PALM2AKAP2: variants seen among roughly 807,000 people sequenced by gnomAD.
PALM2AKAP2 encodes PALM2 and AKAP2 fusion.
Under a neutral mutation model 71.5 loss-of-function variants are expected in PALM2AKAP2, and 37 were observed. The ratio of observed to expected loss-of-function variants is 0.52; its 90% CI spans 0.40 to 0.68. PALM2AKAP2 has a LOEUF of 0.68. PALM2AKAP2 is among the 30% of genes least tolerant of loss of function. The pLI is 0.00. For synonymous variants in PALM2AKAP2, 468 were observed against 478.8 expected (o/e 0.98, Z 0.29); for missense variants, 1,224 against 1,191.8 (o/e 1.03, Z -0.40).
chr9:109,716,994 CA>C (rs1828334446), intron 1 of PALM2AKAP2, among the ~76,000 whole-genome samples: 1 of 152,086 alleles, frequency 6.6e-6, no homozygotes, highest in South Asian at 2.1e-4. Flanking sequence ...TTGAAAGTTA[CA>C]GGGCAAATTT....
chr9:109,769,257 C>T (rs7023411), intron 1 of PALM2AKAP2, among the ~76,000 whole-genome samples: 127,453 of 152,172 alleles, frequency 0.84, 53,968 homozygotes, highest in African/African-American at 0.96. Flanking sequence ...ATAAACGTTT[C>T]CTCTGTGGGC....
intron 1 of PALM2AKAP2, among the ~76,000 whole-genome samples, chr9:109,835,873 G>A (rs1828460249): frequency 2.0e-5 from 3 of 152,226 alleles, no homozygotes; most frequent in South Asian, 4.1e-4. Flanking sequence ...GGTAAACAAA[G>A]TGGCCGGGAA....
intron 6 of PALM2AKAP2, among the ~76,000 whole-genome samples, chr9:109,976,962 C>G (rs746622289): frequency 6.6e-6 from 1 of 151,978 alleles, no homozygotes; most frequent in Non-Finnish European, 1.5e-5. Flanking sequence ...GAGCTTCAGG[C>G]TTAGCAAAAG....
At chr9:109,964,076 C>A (rs1191196065) in intron 6 of PALM2AKAP2, among the ~76,000 whole-genome samples, 1 of 152,160 alleles carries the variant, frequency 6.6e-6, no homozygotes, top group Non-Finnish European at 1.5e-5. Context: ...AGTATATTTG[C>A]CAACTTAGTA....
intron 1 of PALM2AKAP2, among the ~76,000 whole-genome samples, chr9:109,836,528 A>G (rs898458660): frequency 6.6e-6 from 1 of 152,262 alleles, no homozygotes; most frequent in Non-Finnish European, 1.5e-5. Flanking sequence ...AGCTGGACAG[A>G]GAATGACTTT....
chr9:109,866,890 G>A (rs1829461521), intron 1 of PALM2AKAP2: 1 of 386,924 alleles, frequency 2.6e-6, no homozygotes, highest in African/African-American at 2.1e-5. Context: ...AACCTCAGCT[G>A]CCCCACCCAC....
At chr9:110,025,349 T>C (rs1588064970) in intron 7 of PALM2AKAP2, 2 of 1,155,286 alleles carry the variant, frequency 1.7e-6, no homozygotes, top group Admixed American at 3.4e-5. Context: ...TTTCCCTTTG[T>C]GTTCGTCATT....
At chr9:109,891,540 T>A (rs1170230301) in intron 3 of PALM2AKAP2, among the ~76,000 whole-genome samples, 1 of 151,910 alleles carries the variant, frequency 6.6e-6, no homozygotes, top group African/African-American at 2.4e-5. Context: ...CAGGCTGGAG[T>A]GCATTGGCAG....
chr9:109,696,461 G>C (rs1474704918), intron 1 of PALM2AKAP2, among the ~76,000 whole-genome samples: 3 of 152,174 alleles, frequency 2.0e-5, no homozygotes, highest in Admixed American at 6.5e-5. Context: ...TTCAGCAAGG[G>C]TGCGAGGAGA....
At chr9:109,929,962 C>T (rs1009108387) in intron 5 of PALM2AKAP2, among the ~76,000 whole-genome samples, 1 of 151,988 alleles carries the variant, frequency 6.6e-6, no homozygotes, top group African/African-American at 2.4e-5. Flanking sequence ...CACTCACAGC[C>T]CCTGACTCAA....
chr9:109,959,488 CA>C (rs987485152), intron 6 of PALM2AKAP2, among the ~76,000 whole-genome samples: 5 of 151,606 alleles, frequency 3.3e-5, no homozygotes, highest in African/African-American at 9.7e-5. Flanking sequence ...ACTAAAAATA[CA>C]AAAAAACTAG....
At chr9:110,166,358 G>A (rs1339602285) in intron 3 of PALM2AKAP2, among the ~76,000 whole-genome samples, 1 of 152,170 alleles carries the variant, frequency 6.6e-6, no homozygotes, top group East Asian at 1.9e-4. Context: ...GAAAGCCTGT[G>A]AAGTGGGGTA....
chr9:109,805,746 G>A lies in PALM2AKAP2; in HGVS notation c.45+25213G>A, dbSNP rs116454593. The stretch of plus-strand genomic sequence containing the variant: ...TATATAGGCAGAAGAGGTAATTTAC[G>A]CATTTGGTAAAGTAGACCGGGTGAC... On this transcript the variant is annotated intron_variant, in intron 1 of 9. Transcript: ENST00000302798. Among the ~76,000 whole-genome samples, 805 of 152,278 alleles carry A rather than the reference G, an allele frequency of 5.3e-3. 9 individuals carry two copies. The highest frequency in any genetic ancestry group is 0.019 in the African/African-American group (769 of 41,554).
intron 7 of PALM2AKAP2, among the ~76,000 whole-genome samples, chr9:110,031,568 A>C (rs10980153): frequency 0.056 from 8,474 of 152,288 alleles, 246 homozygotes; most frequent in Middle Eastern, 0.14. Context: ...AGGGTATTCT[A>C]TTATTTAATT....
chr9:109,978,044 T>A (rs1191442111), intron 6 of PALM2AKAP2, among the ~76,000 whole-genome samples: 1 of 151,686 alleles, frequency 6.6e-6, no homozygotes, highest in Admixed American at 6.6e-5. Context: ...AATGTCAGAG[T>A]GAGTGAAGGA....
intron 2 of PALM2AKAP2, among the ~76,000 whole-genome samples, chr9:109,877,338 C>T (rs540913422): frequency 6.6e-6 from 1 of 152,126 alleles, no homozygotes; most frequent in South Asian, 2.1e-4. Flanking sequence ...ATTCCATTGA[C>T]TGAATGAATA....
chr9:109,977,388 G>A (rs541069048), intron 6 of PALM2AKAP2, among the ~76,000 whole-genome samples: 1 of 152,226 alleles, frequency 6.6e-6, no homozygotes, highest in East Asian at 1.9e-4. Flanking sequence ...ATTGCTTTCT[G>A]TTCATGTGGG....
At chr9:110,101,650 T>C (rs1262670171) in intron 1 of PALM2AKAP2, among the ~76,000 whole-genome samples, 2 of 152,126 alleles carry the variant, frequency 1.3e-5, no homozygotes. Flanking sequence ...CTGGACATCA[T>C]TGGGCAGCTG....
intron 3 of PALM2AKAP2, among the ~76,000 whole-genome samples, chr9:109,904,025 G>A (rs1219787060): frequency 6.6e-6 from 1 of 152,146 alleles, no homozygotes; most frequent in African/African-American, 2.4e-5. Context: ...TAAATAGTAT[G>A]CTTTGGTTTA....
Sources: allele counts gnomAD v4.1 joint callset (sites outside exome capture counted in the v4.1 genomes callset), GRCh38; gene constraint gnomAD v4.1.1; transcripts MANE v1.5; gene names NCBI Gene and HGNC (gene_info 2026-07-23, HGNC 2026-07-21).